Variants in FGFR4 observed in about 807,000 individuals in gnomAD.
The protein encoded by FGFR4 is hydroxyaryl-protein kinase.
FGFR4 carries 63 observed loss-of-function variants against 89.9 expected under a neutral mutation model. The observed-to-expected ratio is 0.70, with a 90% CI of 0.57 to 0.86. FGFR4 has a LOEUF of 0.86. Ranked by LOEUF, FGFR4 falls within the 40% of genes least tolerant of loss-of-function variation. The probability of loss-of-function intolerance (pLI) is 0.00; values close to 1 mark genes in which losing one functional copy is unlikely to be tolerated. For synonymous variants in FGFR4, 486 were observed against 479.4 expected (o/e 1.01, Z -0.18); for missense variants, 928 against 1,106.7 (o/e 0.84, Z 2.29).
intron 11 of FGFR4, chr5:177,094,753 G>A (rs1248425591): frequency 1.3e-5 from 2 of 159,690 alleles, no homozygotes; most frequent in African/African-American, 4.8e-5. Context: ...TGGGAGGCAG[G>A]GATTGAGAAA....
chr5:177,095,226 A>G lies in FGFR4; in HGVS notation c.1520-104A>G, dbSNP rs1784507233. 2 of 913,824 alleles carry G rather than the reference A, an allele frequency of 2.2e-6. No individual in the cohort carries two copies. Among genetic ancestry groups the G allele is most frequent in the Non-Finnish European group, 3.6e-6 (2 of 555,710 alleles). The allele number at this position is 913,824 out of a possible 1,614,324, so 56.6% of individuals were successfully genotyped here. A position where few individuals can be genotyped will look rare whatever the true frequency, so the allele number is the denominator to read the frequency against. On this transcript the variant is annotated intron_variant, in intron 11 of 17. Coordinates refer to ENST00000292408, the MANE Select transcript of FGFR4 (RefSeq NM_213647.3). The surrounding 1 kb of genome is among the most constrained non-coding windows in gnomAD (Gnocchi z 5.7). ...CAGCCTAGCAAGGATTCAGCCCTAG[A>G]CCTACGTAGCCCTGGTCCAGTGCTG... is the stretch of plus-strand genomic sequence containing the variant.
At position 177,093,340 on chromosome 5, in the gene FGFR4, C is replaced by T. The variant is rs113180326; in HGVS notation, c.1251+9C>T. 93 of 1,576,312 alleles carry T rather than the reference C, an allele frequency of 5.9e-5. 1 individual carries two copies. The Middle Eastern group carries it at 1.7e-3, about 29-fold the overall frequency. On this transcript the variant is annotated intron_variant, in intron 9 of 17. Coordinates refer to ENST00000292408, the MANE Select transcript of FGFR4 (RefSeq NM_213647.3). The surrounding 1 kb of genome is among the most constrained non-coding windows in gnomAD (Gnocchi z 5.8). ...TCCCTCTGGCCCGACAGGTACTGGGCGCATCCCCCACCTCACATGTGACAG... is the reference window on the plus strand; with the variant it reads ...TCCCTCTGGCCCGACAGGTACTGGGTGCATCCCCCACCTCACATGTGACAG...
At chr5:177,090,352 G>T (rs779176812) in intron 2 of FGFR4, 38 bp from the exon 3 acceptor site, 1 of 1,599,304 alleles carries the variant, frequency 6.3e-7, no homozygotes, top group African/African-American at 1.3e-5. Context: ...CCTCAGATGG[G>T]GCTGCGGGGT....
At chr5:177,089,494 A>G (rs1477766607) in intron 1 of FGFR4, 56 bp from the exon 2 acceptor site, 4 of 1,465,930 alleles carry the variant, frequency 2.7e-6, no homozygotes, top group Admixed American at 2.7e-5. Flanking sequence ...AAAATAAGGG[A>G]AAAGCCCCCA....
Position 177,095,813 on chromosome 5 carries a change from GC to G in FGFR4, c.1821+91del, listed in dbSNP as rs1452367414. The G allele has an allele frequency of 7.3e-7, 1 of 1,373,204 alleles. No homozygotes were observed. Among genetic ancestry groups the G allele is most frequent in the East Asian group, 2.5e-5 (1 of 39,944 alleles). The allele number at this position is 1,373,204 out of a possible 1,614,324, so 85.1% of individuals were successfully genotyped here. ...TCAATGTCCCGACTTCTCCCTCTCT[GC>G]TCTTTTTCATGACCCCACCTCAGTG... On this transcript the variant is annotated intron_variant, in intron 13 of 17. Transcript: ENST00000292408. This position sits in a 1 kb window ranked among gnomAD's most constrained non-coding sequence, Gnocchi z 5.7.
Position 177,089,227 on chromosome 5 carries a change from A to G in FGFR4, c.-53-323A>G, listed in dbSNP as rs45456396. Among the ~76,000 whole-genome samples the G allele has an allele frequency of 5.1e-3, 781 of 152,332 alleles. 9 individuals are homozygous for G. The highest frequency in any genetic ancestry group is 0.018 in the African/African-American group (744 of 41,572). ...CAAAAAAGAAATTATGTGTGCCGAG[A>G]GCATGCAGAAGATATGTCTCCGTTC... On this transcript the variant is annotated intron_variant, in intron 1 of 17. Transcript: ENST00000292408.
Position 177,093,130 on chromosome 5 carries a change from G to C in FGFR4, c.1058-8G>C. ...TGTCTGTCTGTGTGTGTCCATGTGC[G>C]AGGGCAGAGGAGGACCCCACATGGA... On this transcript the variant is annotated splice_region_variant and splice_polypyrimidine_tract_variant and intron_variant, in intron 8 of 17. Transcript: ENST00000292408. The surrounding 1 kb of genome is among the most constrained non-coding windows in gnomAD (Gnocchi z 5.8). 1 of 1,614,046 alleles carries C rather than the reference G, an allele frequency of 6.2e-7. No homozygotes were observed. The highest frequency in any genetic ancestry group is 8.5e-7 in the Non-Finnish European group (1 of 1,180,018).
intron 4 of FGFR4, 49 bp from the exon 5 acceptor site, chr5:177,090,889 C>T (rs1019188558): frequency 6.2e-7 from 1 of 1,613,960 alleles, no homozygotes; most frequent in East Asian, 2.2e-5. Flanking sequence ...GAAGAGGAGG[C>T]CTGTGTGGGA....
Position 177,093,725 on chromosome 5 carries a change from A to T in FGFR4, c.1469A>T (p.Asp490Val). The change falls in exon 11 of 18, where the codon GAC becomes GTC. Residue 490 changes from aspartate to valine, a missense_variant. This residue lies in a region of FGFR4 where 741 missense variants were observed against 836.9 expected (regional missense o/e 0.89). Coordinates refer to ENST00000292408, the MANE Select transcript of FGFR4 (RefSeq NM_213647.3). This position sits in a 1 kb window ranked among gnomAD's most constrained non-coding sequence, Gnocchi z 5.8. ...QVVRAEAFGM[D>V]PARPDQASTV... ...GTACGTGCAGAGGCCTTTGGCATGG[A>T]CCCTGCCCGGCCTGACCAAGCCAGC... is the stretch of plus-strand genomic sequence containing the variant. 6.2e-7 allele frequency: 1 copy of T among 1,613,888 alleles called. No homozygotes were observed. Among genetic ancestry groups the T allele is most frequent in the South Asian group, 1.1e-5 (1 of 91,076 alleles).
At chr5:177,096,544 G>A (rs539945567) in intron 15 of FGFR4, 60 bp from the exon 16 acceptor site, 11 of 1,598,570 alleles carry the variant, frequency 6.9e-6, no homozygotes, top group Middle Eastern at 1.7e-4. Context: ...GGGGTCCCCC[G>A]TCCTAGCCCC....
chr5:177,093,104 T>TTGAC lies in FGFR4; in HGVS notation c.1058-32_1058-31insACTG. ...GCGGCCAGTCTCACCACTGACCAGT[T>TTGAC]TGTCTGTCTGTGTGTGTCCATGTGC... On this transcript the variant is annotated intron_variant, in intron 8 of 17. Transcript: ENST00000292408. This position sits in a 1 kb window ranked among gnomAD's most constrained non-coding sequence, Gnocchi z 5.8. 6.2e-7 allele frequency: 1 copy of TTGAC among 1,613,700 alleles called. No homozygotes were observed. Among genetic ancestry groups the TTGAC allele is most frequent in the Non-Finnish European group, 8.5e-7 (1 of 1,179,814 alleles).
chr5:177,095,414 A>G lies in FGFR4; in HGVS notation c.1604A>G (p.Asn535Ser). The change falls in exon 12 of 18, where the codon AAC becomes AGC. Residue 535 changes from asparagine (N) to serine (S), a missense_variant. Physicochemically the swap from Asn to Ser is conservative, Grantham distance 46. Transcript: ENST00000292408. This position sits in a 1 kb window ranked among gnomAD's most constrained non-coding sequence, Gnocchi z 5.7. Reference protein sequence around the residue: ...KLIGRHKNIINLLGVCTQEGP... With the variant: ...KLIGRHKNIISLLGVCTQEGP... ...ATCGGCCGACACAAGAACATCATCA[A>G]CCTGCTTGGTGTCTGCACCCAGGAA... 1.9e-6 allele frequency: 3 copies of G among 1,614,002 alleles called. No homozygotes were observed. Among genetic ancestry groups the G allele is most frequent in the South Asian group, 1.1e-5 (1 of 91,070 alleles).
chr5:177,097,512 C>T lies in FGFR4; in HGVS notation c.2260-15C>T. Reference sequence around the variant, plus strand: ...CCCGGGCGCTGCAGAGGCTGACCAGCTCCGTTCCCCACAGTACCTCGACCT... The same window carrying T: ...CCCGGGCGCTGCAGAGGCTGACCAGTTCCGTTCCCCACAGTACCTCGACCT... On this transcript the variant is annotated splice_polypyrimidine_tract_variant and intron_variant, in intron 17 of 17. Transcript: ENST00000292408. 1 of 1,610,190 alleles carries T rather than the reference C, an allele frequency of 6.2e-7. No individual in the cohort carries two copies. Among genetic ancestry groups the T allele is most frequent in the Non-Finnish European group, 8.5e-7 (1 of 1,177,858 alleles).
chr5:177,091,939 G>T, intron 6 of FGFR4, 131 bp downstream of exon 6: 2 of 1,236,030 alleles, frequency 1.6e-6, no homozygotes, highest in Non-Finnish European at 2.3e-6. Flanking sequence ...GGTGGGTCAG[G>T]GGAAAGCACA....
At position 177,092,484 on chromosome 5, in the gene FGFR4, C is replaced by T. The variant is rs138464768; in HGVS notation, c.891C>T (p.Asp297=). 1.6e-4 allele frequency: 258 copies of T among 1,592,078 alleles called. No homozygotes were observed. The African/African-American group carries it at 2.0e-3, about 13-fold the overall frequency. ...TCAACGGCAGCAGCTTCGGAGCCGA[C>T]GGTTTCCCCTATGTGCAAGTCCTAA... ...IVINGSSFGA[D]GFPYVQVLKT... is the part of the protein sequence containing the mutation. The change falls in exon 7 of 18, where the codon GAC becomes GAT. Residue 297 remains aspartate (D), a synonymous_variant. Coordinates refer to ENST00000292408, the MANE Select transcript of FGFR4 (RefSeq NM_213647.3).
In FGFR4 at chr5:177,089,827, C is replaced by G. The variant is rs3135920; in HGVS notation, c.91+134C>G. On this transcript the variant is annotated intron_variant, in intron 2 of 17. Transcript: ENST00000292408. ...AGGTGGCGGCAGGGCAGGGCTCAAC[C>G]ACTGAGACTCAGTCAGTGCCTGGCT... 5,226 of 1,090,250 alleles carry G rather than the reference C, an allele frequency of 4.8e-3. 199 individuals carry two copies. In the African/African-American group the frequency reaches 0.072, roughly 15 times the overall value. 67.5% of individuals were successfully genotyped at this position (1,090,250 alleles called of 1,614,324 possible).
chr5:177,092,846 G>A (rs2149734570), intron 8 of FGFR4, 62 bp downstream of exon 8: 35 of 1,611,532 alleles, frequency 2.2e-5, no homozygotes, highest in Non-Finnish European at 2.7e-5. Context: ...AGTGGGGGCT[G>A]TGGCCTGTTG....
rs770815575 is a variant in FGFR4, at chr5:177,092,480, C to T, written c.887C>T (p.Ala296Val). 2 of 1,592,230 alleles carry T rather than the reference C, an allele frequency of 1.3e-6. No individual in the cohort carries two copies. The highest frequency in any genetic ancestry group is 1.7e-6 in the Non-Finnish European group (2 of 1,168,854). Residue 296 changes from alanine to valine, a missense_variant, in exon 7 of 18, where the codon GCC (alanine) becomes GTC (valine). Ala to Val is a moderately conservative substitution (Grantham distance 64). Around this residue, in one of 5 missense-constraint regions of FGFR4, gnomAD observed 741 missense variants for 836.9 expected, o/e 0.89. Coordinates refer to ENST00000292408, the MANE Select transcript of FGFR4 (RefSeq NM_213647.3). Reference sequence around the variant, plus strand: ...GTCATCAACGGCAGCAGCTTCGGAGCCGACGGTTTCCCCTATGTGCAAGTC... The same window carrying T: ...GTCATCAACGGCAGCAGCTTCGGAGTCGACGGTTTCCCCTATGTGCAAGTC... ...HIVINGSSFGADGFPYVQVLK... is the reference protein window; with the variant it reads ...HIVINGSSFGVDGFPYVQVLK...
chr5:177,097,156 C>T, intron 16 of FGFR4, 136 bp from the exon 17 acceptor site: 1 of 651,280 alleles, frequency 1.5e-6, no homozygotes, highest in Non-Finnish European at 2.7e-6. Context: ...AGTGTCCTGG[C>T]CTGGCTTCTA....
Sources: gnomAD v4.1 joint callset for allele counts (sites outside exome capture counted in the v4.1 genomes callset) on GRCh38, gnomAD v4.1.1 for gene constraint, gnomAD v4.1.1 regional missense constraint, Gnocchi (gnomAD v3.1) non-coding constraint, MANE v1.5 for transcripts, NCBI Gene and HGNC (gene_info 2026-07-23, HGNC 2026-07-21) for gene names.